Variants in STOX2 observed in about 807,000 individuals in gnomAD.
STOX2 encodes the protein storkhead-box protein 2.
Under a neutral mutation model 60.9 loss-of-function variants are expected in STOX2, and 28 were observed. The observed-to-expected ratio is 0.46, with a 90% CI of 0.34 to 0.63. The LOEUF (loss-of-function observed/expected upper bound fraction) is 0.63. STOX2 is among the 30% of genes least tolerant of loss of function. The pLI is 0.01. For missense variants in STOX2, 1,024 were observed against 1,187.7 expected, an observed-to-expected ratio of 0.86 and a Z score of 2.03; for synonymous variants, 472 against 463.9, an observed-to-expected ratio of 1.02 and a Z score of -0.22.
At chr4:183,935,934 A>G (rs1359570434) in intron 1 of STOX2, among the ~76,000 whole-genome samples, 3 of 152,250 alleles carry the variant, frequency 2.0e-5, no homozygotes, top group Admixed American at 2.0e-4. Context: ...AGTACTTTAT[A>G]TACCCTGAAG....
At chr4:183,989,169 GTTTTTTTT>G (rs11421201) in intron 1 of STOX2, among the ~76,000 whole-genome samples, 9 of 80,012 alleles carry the variant, frequency 1.1e-4, no homozygotes, top group African/African-American at 1.7e-4. Context: ...ATTTTTTCTG[GTTTTTTTT>G]TTTTTTTTTT....
chr4:183,944,586 T>C (rs1181921186), intron 1 of STOX2, among the ~76,000 whole-genome samples: 1 of 152,136 alleles, frequency 6.6e-6, no homozygotes, highest in Non-Finnish European at 1.5e-5. Context: ...TGGTGGCGCA[T>C]GCCTGTAATC....
chr4:184,013,865 C>T (rs1734255900), intron 3 of STOX2, among the ~76,000 whole-genome samples: 1 of 152,100 alleles, frequency 6.6e-6, no homozygotes, highest in African/African-American at 2.4e-5. Context: ...TAGCTCACTG[C>T]CGCCTGGAAC....
intron 1 of STOX2, among the ~76,000 whole-genome samples, chr4:183,892,390 T>C (rs944864096): frequency 3.3e-5 from 5 of 152,202 alleles, no homozygotes; most frequent in Non-Finnish European, 5.9e-5. Flanking sequence ...GCCATTCTCC[T>C]GCCTCAGCCT....
upstream of STOX2, among the ~76,000 whole-genome samples, chr4:183,904,627 T>C: frequency 6.6e-6 from 1 of 152,238 alleles, no homozygotes; most frequent in Non-Finnish European, 1.5e-5. Flanking sequence ...TACTTAGTGA[T>C]TATTTATTTA....
intron 1 of STOX2, among the ~76,000 whole-genome samples, chr4:183,878,636 T>A (rs1423949919): frequency 1.3e-5 from 2 of 152,094 alleles, no homozygotes. Flanking sequence ...AATGAAAAAA[T>A]TTTCTGTATA....
At chr4:183,995,324 G>C (rs7687331) in intron 1 of STOX2, among the ~76,000 whole-genome samples, 13 of 22,816 alleles carry the variant, frequency 5.7e-4, no homozygotes, top group African/African-American at 8.5e-4. Flanking sequence ...TTTTTTTTTT[G>C]CACAAATAGA....
rs1404096915 is a variant in STOX2 at position 183,851,328 on chromosome 4, GGAAAGGATGAGGGAAAGGATGAGA to G, written c.364+53302_364+53325del. On this transcript the variant is annotated intron_variant, in intron 1 of 2. Transcript: ENST00000513034. ...GGGAAAGGATGAGGGAAAGGATGAG[GGAAAGGATGAGGGAAAGGATGAGA>G]GAAAGGATGAGGGAAAGGATGAGAG... 8.1e-3 allele frequency among the ~76,000 whole-genome samples: 268 copies of G among 33,280 alleles called. 10 individuals carry two copies. The highest frequency in any genetic ancestry group is 0.014 in the Non-Finnish European group (194 of 14,262). The allele number at this position is 33,280 out of a possible 152,430, so 21.8% of individuals were successfully genotyped here. A position where few individuals can be genotyped will look rare whatever the true frequency, so the allele number is the denominator to read the frequency against.
In STOX2 at chr4:184,021,318, A is replaced by G. The variant is rs1236373793; in HGVS notation, c.*4034A>G. The G allele has an allele frequency of 6.6e-6, 1 of 152,196 alleles. No homozygotes were observed. Among genetic ancestry groups the G allele is most frequent in the Non-Finnish European group, 1.5e-5 (1 of 68,042 alleles). The allele number at this position is 152,196 out of a possible 1,614,324, so 9.4% of individuals were successfully genotyped here. On this transcript the variant is annotated 3_prime_UTR_variant, in exon 4 of 4. Coordinates refer to ENST00000308497, the MANE Select transcript of STOX2 (RefSeq NM_020225.3). Reference sequence around the variant, plus strand: ...TCCAGGAACACAGTGGCAGCTATTGATGATCTGTTTTCTATCTGTTTGATA... The same window carrying G: ...TCCAGGAACACAGTGGCAGCTATTGGTGATCTGTTTTCTATCTGTTTGATA...
chr4:183,887,045 G>T (rs1047664157), intron 1 of STOX2, among the ~76,000 whole-genome samples: 1 of 152,086 alleles, frequency 6.6e-6, no homozygotes, highest in Non-Finnish European at 1.5e-5. Flanking sequence ...GTTTACCTGA[G>T]GTCAGGAGTT....
At chr4:183,916,630 C>T (rs1197308402) in intron 1 of STOX2, among the ~76,000 whole-genome samples, 2 of 152,086 alleles carry the variant, frequency 1.3e-5, no homozygotes, top group Admixed American at 6.5e-5. Flanking sequence ...TTTGCACCAA[C>T]GTAATATTAA....
chr4:183,918,055 A>G (rs540071856), intron 1 of STOX2, among the ~76,000 whole-genome samples: 9 of 152,366 alleles, frequency 5.9e-5, no homozygotes, highest in Middle Eastern at 3.4e-3. Context: ...GAACAGAACT[A>G]TACAGGATTG....
chr4:183,916,167 C>T (rs1209549004), intron 1 of STOX2, among the ~76,000 whole-genome samples: 5 of 152,192 alleles, frequency 3.3e-5, no homozygotes, highest in African/African-American at 4.8e-5. Flanking sequence ...GGCATGATGG[C>T]GTTCCCGGGC....
chr4:183,922,344 TCTTAA>T (rs1436330046), intron 1 of STOX2, among the ~76,000 whole-genome samples: 1 of 149,204 alleles, frequency 6.7e-6, no homozygotes, highest in African/African-American at 2.5e-5. Flanking sequence ...AAAGTTACCA[TCTTAA>T]CTTTTTTTTT....
intron 1 of STOX2, among the ~76,000 whole-genome samples, chr4:183,983,949 A>C (rs900332597): frequency 3.3e-5 from 5 of 152,052 alleles, no homozygotes; most frequent in Non-Finnish European, 5.9e-5. Flanking sequence ...CCATGTTCTG[A>C]ATCTGACCTT....
At chr4:183,985,449 C>T (rs1732802286) in intron 1 of STOX2, among the ~76,000 whole-genome samples, 2 of 152,106 alleles carry the variant, frequency 1.3e-5, no homozygotes, top group Non-Finnish European at 2.9e-5. Context: ...CCATCTCTGC[C>T]GTTCACCAGC....
intron 1 of STOX2, among the ~76,000 whole-genome samples, chr4:183,850,326 A>T (rs1740086432): frequency 6.6e-6 from 1 of 152,202 alleles, no homozygotes; most frequent in Non-Finnish European, 1.5e-5. Context: ...GGAGAAAAAA[A>T]AAATTTTGGA....
intron 1 of STOX2, among the ~76,000 whole-genome samples, chr4:183,884,887 G>A (rs1176028633): frequency 6.6e-6 from 1 of 152,108 alleles, no homozygotes; most frequent in African/African-American, 2.4e-5. Flanking sequence ...TGAGAGCAGC[G>A]GTCATGAAAG....
intron 1 of STOX2, among the ~76,000 whole-genome samples, chr4:183,849,792 A>G (rs1433655404): frequency 1.3e-5 from 2 of 152,144 alleles, no homozygotes; most frequent in Non-Finnish European, 2.9e-5. Flanking sequence ...TTGTGTATGC[A>G]CCATGAAGGA....
Sources: allele counts gnomAD v4.1 joint callset (sites outside exome capture counted in the v4.1 genomes callset), GRCh38; gene constraint gnomAD v4.1.1; transcripts MANE v1.5; gene names NCBI Gene and HGNC (gene_info 2026-07-23, HGNC 2026-07-21).